SLCO6A1: variants seen among roughly 807,000 people sequenced by gnomAD.
SLCO6A1 encodes cancer/testis antigen 48.
In SLCO6A1, 65 loss-of-function variants were observed where a neutral mutation model predicts 72.7. The observed-to-expected ratio is 0.89, with a 90% CI of 0.73 to 1.10. SLCO6A1 has a LOEUF of 1.10. SLCO6A1 is among the 50% of genes least tolerant of loss of function. The pLI is 0.00. For synonymous variants in SLCO6A1, 314 were observed against 298.2 expected (o/e 1.05, Z -0.55); for missense variants, 874 against 872.6 (o/e 1.00, Z -0.02).
chr5:102,475,707 A>T lies in SLCO6A1; in HGVS notation c.889T>A (p.Ser297Thr), dbSNP rs1751860314. The change falls in exon 4 of 14, where the codon TCT becomes ACT. Residue 297 changes from serine to threonine, a missense_variant. By Grantham distance (58) the Ser-to-Thr change is moderately conservative (BLOSUM62 1). Transcript: ENST00000506729. Reference sequence around the variant, plus strand: ...AAAATAATGCCTTACTTTGTTGCAGAAGTAGTATTCTCAGGGACTTTAACT... The same window carrying T: ...AAAATAATGCCTTACTTTGTTGCAGTAGTAGTATTCTCAGGGACTTTAACT... ...PLVKVPENTT[S>T]ATNTTVNNGS... 1 of 1,595,344 alleles carries T rather than the reference A, an allele frequency of 6.3e-7. No individual in the cohort carries two copies.
chr5:102,485,165 C>A (rs542823723), intron 1 of SLCO6A1, among the ~76,000 whole-genome samples: 1 of 152,044 alleles, frequency 6.6e-6, no homozygotes, highest in East Asian at 1.9e-4. Context: ...GCAGGAGAAT[C>A]GTTTGAACCT....
At position 102,458,377 on chromosome 5, in the gene SLCO6A1, T is replaced by C. The variant is rs1225304138; in HGVS notation, c.1131+5A>G. ...GGATTGTTCAAGTAAAATATTTTAC[T>C]TTACCCAAAGAGCAGCACATAAATC... On this transcript the variant is annotated splice_donor_5th_base_variant and intron_variant, in intron 6 of 13. Transcript: ENST00000506729. 2.5e-6 allele frequency: 4 copies of C among 1,590,066 alleles called. No homozygotes were observed. The highest frequency in any genetic ancestry group is 1.4e-5 in the African/African-American group (1 of 73,796).
chr5:102,458,566 C>T, intron 5 of SLCO6A1, 75 bp from the exon 6 acceptor site: 2 of 904,514 alleles, frequency 2.2e-6, no homozygotes, highest in Non-Finnish European at 3.4e-6. Flanking sequence ...TACATACACA[C>T]CCTAATAAAT....
chr5:102,427,295 C>T (rs977649263), intron 7 of SLCO6A1, among the ~76,000 whole-genome samples: 7 of 151,822 alleles, frequency 4.6e-5, no homozygotes, highest in Non-Finnish European at 7.4e-5. Flanking sequence ...AGAAGAATAA[C>T]CAAAACAAAC....
At chr5:102,434,565 A>G in intron 7 of SLCO6A1, among the ~76,000 whole-genome samples, 1 of 152,184 alleles carries the variant, frequency 6.6e-6, no homozygotes, top group East Asian at 1.9e-4. Context: ...CACACATGAA[A>G]CTAAGTTAGG....
At chr5:102,433,428 G>A (rs2112661634) in intron 7 of SLCO6A1, among the ~76,000 whole-genome samples, 1 of 152,158 alleles carries the variant, frequency 6.6e-6, no homozygotes, top group South Asian at 2.1e-4. Flanking sequence ...CTGTCCTTTG[G>A]ATTTTTTTTT....
chr5:102,414,973 C>T (rs2112596355), intron 8 of SLCO6A1, among the ~76,000 whole-genome samples: 1 of 151,260 alleles, frequency 6.6e-6, no homozygotes, highest in African/African-American at 2.4e-5. Context: ...TACAATAGGT[C>T]CAAAAAGTAA....
intron 6 of SLCO6A1, among the ~76,000 whole-genome samples, chr5:102,452,954 T>C (rs1429372797): frequency 1.3e-5 from 2 of 152,184 alleles, no homozygotes; most frequent in African/African-American, 4.8e-5. Flanking sequence ...CCATGAGGGA[T>C]AGAACTATAG....
intron 7 of SLCO6A1, among the ~76,000 whole-genome samples, chr5:102,430,625 A>G (rs915220168): frequency 6.6e-6 from 1 of 152,116 alleles, no homozygotes; most frequent in African/African-American, 2.4e-5. Flanking sequence ...TGTTTAACCA[A>G]TCTTGCATTA....
At position 102,477,665 on chromosome 5, in the gene SLCO6A1, G is replaced by A. The variant is rs1751974143; in HGVS notation, c.802+11C>T. The A allele has an allele frequency of 6.2e-7, 1 of 1,605,926 alleles. No homozygotes were observed. Among genetic ancestry groups the A allele is most frequent in the South Asian group, 1.1e-5 (1 of 89,962 alleles). On this transcript the variant is annotated intron_variant, in intron 3 of 13. Coordinates refer to ENST00000506729, the MANE Select transcript of SLCO6A1 (RefSeq NM_173488.5). The stretch of plus-strand genomic sequence containing the variant: ...AAATGGGTCAATCGTAATAGAGGGG[G>A]TAAAACTTGCCTAAATAGATACCAG...
At chr5:102,475,181 A>G (rs1000414805) in intron 4 of SLCO6A1, among the ~76,000 whole-genome samples, 1 of 152,154 alleles carries the variant, frequency 6.6e-6, no homozygotes, top group African/African-American at 2.4e-5. Flanking sequence ...AGCTGGAAGC[A>G]ACTTTAATGT....
intron 8 of SLCO6A1, among the ~76,000 whole-genome samples, chr5:102,415,453 T>A (rs549874250): frequency 6.6e-6 from 1 of 152,238 alleles, no homozygotes; most frequent in South Asian, 2.1e-4. Flanking sequence ...GATATACATT[T>A]AGAGAAAGGA....
intron 9 of SLCO6A1, among the ~76,000 whole-genome samples, chr5:102,408,521 A>T (rs966040291): frequency 5.3e-5 from 8 of 152,160 alleles, no homozygotes; most frequent in African/African-American, 1.9e-4. Context: ...ATAACCAAAA[A>T]CAAAGAGAAA....
At chr5:102,391,614 C>T (rs1746765242) in intron 10 of SLCO6A1, among the ~76,000 whole-genome samples, 2 of 152,130 alleles carry the variant, frequency 1.3e-5, no homozygotes, top group Admixed American at 6.6e-5. Context: ...GGAGTCCTCT[C>T]TACAGGATTC....
chr5:102,474,270 C>G, intron 4 of SLCO6A1, among the ~76,000 whole-genome samples: 1 of 151,886 alleles, frequency 6.6e-6, no homozygotes, highest in South Asian at 2.1e-4. Context: ...AGAAATAAAC[C>G]CTCATATATA....
At chr5:102,409,425 C>G (rs1279814300) in intron 9 of SLCO6A1, among the ~76,000 whole-genome samples, 1 of 152,094 alleles carries the variant, frequency 6.6e-6, no homozygotes, top group Admixed American at 6.6e-5. Context: ...CCATTAATAG[C>G]ATATAGGTAC....
Position 102,498,712 on chromosome 5 carries a change from C to T in SLCO6A1, c.133G>A (p.Gly45Arg), listed in dbSNP as rs1470127220. The change falls in exon 1 of 14, where the codon GGG becomes AGG. Residue 45 changes from glycine (G) to arginine (R), a missense_variant. Physicochemically the swap from Gly to Arg is moderately radical, Grantham distance 125. Coordinates refer to ENST00000506729, the MANE Select transcript of SLCO6A1 (RefSeq NM_173488.5). ...AGTCTCAGATACCGGTGTTTTTTCC[C>T]GGGCTTCGAGGACTTCGGGGTTCCC... ...AKGTPKSSKP[G>R]KKHRYLRLLP... 2 of 1,614,058 alleles carry T rather than the reference C, an allele frequency of 1.2e-6. No homozygotes were observed. Among genetic ancestry groups the T allele is most frequent in the African/African-American group, 1.3e-5 (1 of 74,928 alleles).
chr5:102,453,056 CTT>C (rs1216174950), intron 6 of SLCO6A1, among the ~76,000 whole-genome samples: 2 of 152,144 alleles, frequency 1.3e-5, no homozygotes, highest in African/African-American at 4.8e-5. Context: ...GTTTTCCACT[CTT>C]TTATCAAGAT....
chr5:102,392,212 A>T (rs1746802216), intron 10 of SLCO6A1, among the ~76,000 whole-genome samples: 1 of 152,060 alleles, frequency 6.6e-6, no homozygotes, highest in South Asian at 2.1e-4. Context: ...AAAAATATAT[A>T]TGTCTTCCTC....
Sources: gnomAD v4.1 joint callset for allele counts (sites outside exome capture counted in the v4.1 genomes callset) on GRCh38, gnomAD v4.1.1 for gene constraint, MANE v1.5 for transcripts, NCBI Gene and HGNC (gene_info 2026-07-23, HGNC 2026-07-21) for gene names.